Variants in GRIP1 observed in about 807,000 individuals in gnomAD.
GRIP1 encodes the protein glutamate receptor interacting protein 1.
Under a neutral mutation model 129.9 loss-of-function variants are expected in GRIP1, and 45 were observed. The ratio of observed to expected loss-of-function variants is 0.35; its 90% CI spans 0.27 to 0.44. The LOEUF is 0.44. GRIP1 is among the 20% of genes least tolerant of loss of function. The probability of loss-of-function intolerance (pLI) is 1.00; values close to 1 mark genes in which losing one functional copy is unlikely to be tolerated. For synonymous variants in GRIP1, 530 were observed against 520.8 expected (o/e 1.02, Z -0.24); for missense variants, 1,196 against 1,396.8 (o/e 0.86, Z 2.29).
At chr12:66,882,258 A>G (rs1323551429) in intron 1 of GRIP1, among the ~76,000 whole-genome samples, 1 of 151,934 alleles carries the variant, frequency 6.6e-6, no homozygotes, top group Non-Finnish European at 1.5e-5. Context: ...ACGATGTTAC[A>G]GCATCTGAGC....
At chr12:66,790,796 T>C (rs1167950035) in intron 1 of GRIP1, among the ~76,000 whole-genome samples, 1 of 151,898 alleles carries the variant, frequency 6.6e-6, no homozygotes, top group Admixed American at 6.6e-5. Flanking sequence ...CCAGAGCTCA[T>C]TTGTGACATC....
intron 1 of GRIP1, among the ~76,000 whole-genome samples, chr12:67,047,985 T>C (rs1429918422): frequency 2.0e-5 from 3 of 152,164 alleles, no homozygotes; most frequent in African/African-American, 7.2e-5. Flanking sequence ...TGTAAGTCTT[T>C]AATTGCTAAT....
rs143749604 is a variant in GRIP1 at position 66,402,287 on chromosome 12, C to A, written c.1984+3996G>T. On this transcript the variant is annotated intron_variant, in intron 16 of 24. Coordinates refer to ENST00000359742, the MANE Select transcript of GRIP1 (RefSeq NM_001366722.1). ...GTTAATTATTGATTTTCTTGTTTCT[C>A]CTATTTGGTGGTAACTGATTTAAGG... Among the ~76,000 whole-genome samples, 302 of 152,216 alleles carry A rather than the reference C, an allele frequency of 2.0e-3. 1 individual carries two copies. Among genetic ancestry groups the A allele is most frequent in the African/African-American group, 5.9e-3 (245 of 41,526 alleles).
At chr12:66,956,082 G>A (rs553824662) in intron 1 of GRIP1, among the ~76,000 whole-genome samples, 138 of 152,270 alleles carry the variant, frequency 9.1e-4, no homozygotes, top group Admixed American at 2.0e-3. Context: ...AGTTATCAAA[G>A]CTAAGAAATT....
intron 1 of GRIP1, among the ~76,000 whole-genome samples, chr12:66,664,535 A>G (rs921989785): frequency 3.3e-5 from 5 of 152,166 alleles, no homozygotes; most frequent in African/African-American, 1.2e-4. Context: ...CTAGAGAACT[A>G]AAATGTGCCT....
intron 1 of GRIP1, among the ~76,000 whole-genome samples, chr12:66,878,990 G>A (rs1488415966): frequency 6.6e-6 from 1 of 151,958 alleles, no homozygotes; most frequent in African/African-American, 2.4e-5. Context: ...GGGGCATTGA[G>A]GGGTTGGTAG....
At chr12:66,534,676 TTCTG>T (rs200118948) in intron 4 of GRIP1, among the ~76,000 whole-genome samples, 3,733 of 151,968 alleles carry the variant, frequency 0.025, 145 homozygotes, top group African/African-American at 0.086. Flanking sequence ...CCTTCCTTCC[TTCTG>T]TCCATTCTTC....
Position 66,348,789 on chromosome 12 carries a change from G to A in GRIP1, c.*230C>T. 1 of 555,886 alleles carries A rather than the reference G, an allele frequency of 1.8e-6. No individual in the cohort carries two copies. The highest frequency in any genetic ancestry group is 4.8e-4 in the Middle Eastern group (1 of 2,074). 34.4% of individuals were successfully genotyped at this position (555,886 alleles called of 1,614,324 possible). A position where few individuals can be genotyped will look rare whatever the true frequency, so the allele number is the denominator to read the frequency against. ...GGACGGCCTATTTTTCTCTACCGTTGGGACTGGCAGGGCATTGCCCACCAT... is the reference window on the plus strand; with the variant it reads ...GGACGGCCTATTTTTCTCTACCGTTAGGACTGGCAGGGCATTGCCCACCAT... On this transcript the variant is annotated 3_prime_UTR_variant, in exon 25 of 25. Coordinates refer to ENST00000359742, the MANE Select transcript of GRIP1 (RefSeq NM_001366722.1).
At position 66,357,696 on chromosome 12, in the gene GRIP1, A is replaced by G. The variant is rs532305714; in HGVS notation, c.3013-4133T>C. 3.9e-5 allele frequency among the ~76,000 whole-genome samples: 6 copies of G among 152,354 alleles called. No homozygotes were observed. The East Asian group carries it at 1.2e-3, about 29-fold the overall frequency. On this transcript the variant is annotated intron_variant, in intron 23 of 24. Coordinates refer to ENST00000359742, the MANE Select transcript of GRIP1 (RefSeq NM_001366722.1). ...TGTAAAGGAGAATTCTCTTTTATCAATTAGTGCTGCTTTGTTACTCTGAAA... is the reference window on the plus strand; with the variant it reads ...TGTAAAGGAGAATTCTCTTTTATCAGTTAGTGCTGCTTTGTTACTCTGAAA...
At chr12:66,867,233 C>T (rs1249240450) in intron 1 of GRIP1, among the ~76,000 whole-genome samples, 2 of 152,136 alleles carry the variant, frequency 1.3e-5, no homozygotes, top group African/African-American at 2.4e-5. Flanking sequence ...AGGTGATCCG[C>T]CCGCCTCAGC....
chr12:66,920,499 G>T (rs1185504121), intron 1 of GRIP1, among the ~76,000 whole-genome samples: 1 of 152,186 alleles, frequency 6.6e-6, no homozygotes, highest in Non-Finnish European at 1.5e-5. Context: ...TGTCCCAAAA[G>T]CTCAAGGAGT....
intron 1 of GRIP1, among the ~76,000 whole-genome samples, chr12:66,747,004 T>C (rs2036969644): frequency 6.6e-6 from 1 of 152,130 alleles, no homozygotes; most frequent in Non-Finnish European, 1.5e-5. Flanking sequence ...ATGGCAATAA[T>C]GGTGATGAGA....
At chr12:66,410,183 G>T (rs2057339744) in intron 15 of GRIP1, among the ~76,000 whole-genome samples, 1 of 135,440 alleles carries the variant, frequency 7.4e-6, no homozygotes, top group African/African-American at 2.7e-5. Context: ...CCGGGAGGCG[G>T]AGCTTGCAGT....
chr12:66,613,035 T>C lies in GRIP1; in HGVS notation c.56-16108A>G, dbSNP rs549053346. 2.6e-5 allele frequency among the ~76,000 whole-genome samples: 4 copies of C among 152,312 alleles called. No homozygotes were observed. In the South Asian group the frequency reaches 6.2e-4, roughly 24 times the overall value. ...GAGCTGAGTTCTGCAGGGCTAAAAA[T>C]GGCTCCTTAAAAGCATAGTTAAATA... On this transcript the variant is annotated intron_variant, in intron 1 of 24. Coordinates refer to ENST00000359742, the MANE Select transcript of GRIP1 (RefSeq NM_001366722.1).
At chr12:66,428,086 T>TGA (rs1189415192) in intron 14 of GRIP1, among the ~76,000 whole-genome samples, 70 of 152,296 alleles carry the variant, frequency 4.6e-4, no homozygotes, top group Non-Finnish European at 6.9e-4. Context: ...TCGCTGAAAA[T>TGA]CCTAGTGTCA....
intron 1 of GRIP1, among the ~76,000 whole-genome samples, chr12:66,828,675 A>G (rs1331092025): frequency 6.6e-6 from 1 of 152,182 alleles, no homozygotes; most frequent in Non-Finnish European, 1.5e-5. Context: ...AGACATATTA[A>G]TATTAACACC....
chr12:66,755,601 G>A (rs111627063), intron 1 of GRIP1, among the ~76,000 whole-genome samples: 9 of 152,292 alleles, frequency 5.9e-5, no homozygotes, highest in African/African-American at 1.9e-4. Flanking sequence ...CACCACCAGC[G>A]TCACCTGCTC....
intron 1 of GRIP1, among the ~76,000 whole-genome samples, chr12:66,674,875 A>G (rs1253714485): frequency 6.6e-6 from 1 of 152,158 alleles, no homozygotes; most frequent in Non-Finnish European, 1.5e-5. Flanking sequence ...GGGAGGAGAA[A>G]TCAGGAAGAA....
intron 1 of GRIP1, among the ~76,000 whole-genome samples, chr12:66,652,321 A>G (rs1344996360): frequency 6.6e-6 from 1 of 152,110 alleles, no homozygotes; most frequent in African/African-American, 2.4e-5. Flanking sequence ...GGTTTTACAC[A>G]TGGCAGTTTC....
Sources: allele counts gnomAD v4.1 joint callset (sites outside exome capture counted in the v4.1 genomes callset), GRCh38; gene constraint gnomAD v4.1.1; transcripts MANE v1.5; gene names NCBI Gene and HGNC (gene_info 2026-07-23, HGNC 2026-07-21).